CEP126: variants seen among roughly 807,000 people sequenced by gnomAD.
CEP126 encodes centrosomal protein 126.
In CEP126, 74 loss-of-function variants were observed where a neutral mutation model predicts 107.8. That is an observed-to-expected ratio of 0.69 (90% CI 0.57 to 0.83). The LOEUF (loss-of-function observed/expected upper bound fraction) is 0.83, where lower values mean the gene tolerates loss of function less well. Among genes scored for constraint, CEP126 ranks in the 40% least tolerant of loss-of-function variants. CEP126 has a pLI of 0.00. For synonymous variants in CEP126, 449 were observed against 446.0 expected (o/e 1.01, Z -0.08); for missense variants, 1,237 against 1,281.9 (o/e 0.96, Z 0.53).
rs774802593 is a variant in CEP126 at position 101,992,836 on chromosome 11, A to G, written c.3303A>G (p.Pro1101=). 2.1e-5 allele frequency: 32 copies of G among 1,532,394 alleles called. No individual in the cohort carries two copies. The highest frequency in any genetic ancestry group is 2.6e-5 in the Non-Finnish European group (30 of 1,144,264). 94.9% of individuals were successfully genotyped at this position (1,532,394 alleles called of 1,614,324 possible). A position where few individuals can be genotyped will look rare whatever the true frequency, so the allele number is the denominator to read the frequency against. The change falls in exon 10 of 11, where the codon CCA becomes CCG. Residue 1101 remains proline (P), a synonymous_variant. Coordinates refer to ENST00000263468, the MANE Select transcript of CEP126 (RefSeq NM_020802.4). ...PSIKNTLQII[P]LLEKREDRTS... is the part of the protein sequence containing the mutation. ...TCAAAAATACTTTACAAATAATACC[A>G]CTTCTGGTAAGTATTTGAAGAAGCT...
intron 2 of CEP126, among the ~76,000 whole-genome samples, chr11:101,942,323 A>G (rs1940676594): frequency 6.6e-6 from 1 of 152,020 alleles, no homozygotes; most frequent in South Asian, 2.1e-4. Flanking sequence ...TAAGAGTCCA[A>G]CTATATTGTT....
chr11:101,950,751 G>A (rs925763457), intron 4 of CEP126, among the ~76,000 whole-genome samples: 3 of 152,136 alleles, frequency 2.0e-5, no homozygotes, highest in Admixed American at 6.6e-5. Flanking sequence ...TCAGAGTGTC[G>A]GGACTACAGG....
In CEP126 at chr11:102,000,824, A is replaced by T. The variant is rs1941500105; in HGVS notation, c.*3181A>T. ...GGTCAGAAAAATTTAGACGGTCTTCATTTTAAAATTGGCATCAGGAAGGAT... is the reference window on the plus strand; with the variant it reads ...GGTCAGAAAAATTTAGACGGTCTTCTTTTTAAAATTGGCATCAGGAAGGAT... On this transcript the variant is annotated 3_prime_UTR_variant, in exon 11 of 11. Coordinates refer to ENST00000263468, the MANE Select transcript of CEP126 (RefSeq NM_020802.4). 2 of 152,348 alleles carry T rather than the reference A, an allele frequency of 1.3e-5. No individual in the cohort carries two copies. Among genetic ancestry groups the T allele is most frequent in the South Asian group, 4.1e-4 (2 of 4,824 alleles). The allele number at this position is 152,348 out of a possible 1,614,324, so 9.4% of individuals were successfully genotyped here.
intron 10 of CEP126, among the ~76,000 whole-genome samples, 148 bp from the exon 11 acceptor site, chr11:101,997,440 GTAAATAATCTA>G (rs1166907508): frequency 6.6e-6 from 1 of 152,186 alleles, no homozygotes; most frequent in African/African-American, 2.4e-5. Flanking sequence ...AAGGGTTGAG[GTAAATAATCTA>G]TAAAGTCCTC....
chr11:101,985,946 G>T (rs549736782), intron 8 of CEP126, among the ~76,000 whole-genome samples: 2 of 148,624 alleles, frequency 1.3e-5, no homozygotes, highest in South Asian at 4.3e-4. Context: ...AATTTCTTAC[G>T]AATTTGTTTA....
In CEP126 at chr11:102,000,557, T is replaced by C. The variant is rs1203620397; in HGVS notation, c.*2914T>C. ...AAGAAAAGAAAACAGCCAAGCTTGG[T>C]GGTATGTGCCTGTGGTCCCAGCTAC... On this transcript the variant is annotated 3_prime_UTR_variant, in exon 11 of 11. Coordinates refer to ENST00000263468, the MANE Select transcript of CEP126 (RefSeq NM_020802.4). 4 of 151,666 alleles carry C rather than the reference T, an allele frequency of 2.6e-5. No homozygotes were observed. The highest frequency in any genetic ancestry group is 5.9e-5 in the Non-Finnish European group (4 of 67,930). 9.4% of individuals were successfully genotyped at this position (151,666 alleles called of 1,614,324 possible). A position where few individuals can be genotyped will look rare whatever the true frequency, so the allele number is the denominator to read the frequency against.
intron 4 of CEP126, among the ~76,000 whole-genome samples, chr11:101,951,627 T>G (rs1372269929): frequency 6.6e-6 from 1 of 151,906 alleles, no homozygotes; most frequent in Non-Finnish European, 1.5e-5. Context: ...AAAGAAAAGA[T>G]ATTTTATTAA....
intron 2 of CEP126, among the ~76,000 whole-genome samples, chr11:101,929,529 T>C (rs1432293042): frequency 2.0e-5 from 3 of 152,066 alleles, no homozygotes; most frequent in Non-Finnish European, 4.4e-5. Context: ...TGGTCTCCAT[T>C]GATACCACAG....
chr11:101,988,782 A>G (rs911902448), intron 9 of CEP126, among the ~76,000 whole-genome samples: 36 of 151,758 alleles, frequency 2.4e-4, no homozygotes, highest in African/African-American at 8.7e-4. Flanking sequence ...GTATATGTAT[A>G]TATATATATA....
At chr11:101,974,022 A>G (rs569523238) in intron 6 of CEP126, among the ~76,000 whole-genome samples, 1 of 152,180 alleles carries the variant, frequency 6.6e-6, no homozygotes, top group South Asian at 2.1e-4. Context: ...TAATGACTAA[A>G]AGTTTTTCTC....
intron 9 of CEP126, among the ~76,000 whole-genome samples, chr11:101,987,413 A>G (rs1408887219): frequency 6.6e-6 from 1 of 152,182 alleles, no homozygotes; most frequent in African/African-American, 2.4e-5. Flanking sequence ...TCTTAAGACC[A>G]ATAACTAAAT....
At chr11:101,941,197 A>G (rs968375488) in intron 2 of CEP126, among the ~76,000 whole-genome samples, 1 of 152,172 alleles carries the variant, frequency 6.6e-6, no homozygotes, top group Non-Finnish European at 1.5e-5. Context: ...CAAAGACTAC[A>G]TTAAGTACAT....
At chr11:101,950,023 C>G (rs1940789098) in intron 4 of CEP126, among the ~76,000 whole-genome samples, 1 of 152,120 alleles carries the variant, frequency 6.6e-6, no homozygotes, top group African/African-American at 2.4e-5. Flanking sequence ...CCAAACTCAG[C>G]CATAAATCAA....
chr11:101,922,268 G>T (rs555548156), intron 1 of CEP126, among the ~76,000 whole-genome samples: 1 of 151,250 alleles, frequency 6.6e-6, no homozygotes, highest in Admixed American at 6.6e-5. Flanking sequence ...GGGTTCAAGC[G>T]ATTCTCCTGC....
At chr11:101,967,850 C>A (rs779120094) in intron 6 of CEP126, among the ~76,000 whole-genome samples, 7 of 152,066 alleles carry the variant, frequency 4.6e-5, no homozygotes, top group Non-Finnish European at 1.0e-4. Flanking sequence ...ATAGTGACTA[C>A]CTCTGGGGAG....
At chr11:101,918,621 T>C (rs1374012561) in intron 1 of CEP126, among the ~76,000 whole-genome samples, 4 of 152,216 alleles carry the variant, frequency 2.6e-5, no homozygotes, top group Non-Finnish European at 5.9e-5. Context: ...AAGTTTTCTA[T>C]AATGCACTAA....
chr11:101,944,497 G>T, intron 3 of CEP126, 87 bp downstream of exon 3: 1 of 1,297,114 alleles, frequency 7.7e-7, no homozygotes. Flanking sequence ...ATGAAGAAAT[G>T]AAGTGGAAAC....
At chr11:101,935,151 T>A (rs115142801) in intron 2 of CEP126, among the ~76,000 whole-genome samples, 274 of 152,150 alleles carry the variant, frequency 1.8e-3, no homozygotes, top group African/African-American at 6.1e-3. Flanking sequence ...TAATGAAATA[T>A]CTATTCAAAT....
chr11:101,928,562 A>G (rs1468989580), intron 2 of CEP126, among the ~76,000 whole-genome samples: 1 of 152,098 alleles, frequency 6.6e-6, no homozygotes, highest in Non-Finnish European at 1.5e-5. Context: ...ATGTGTACCA[A>G]AGTTTGGAGG....
Sources: allele counts gnomAD v4.1 joint callset (sites outside exome capture counted in the v4.1 genomes callset), GRCh38; gene constraint gnomAD v4.1.1; transcripts MANE v1.5; gene names NCBI Gene and HGNC (gene_info 2026-07-23, HGNC 2026-07-21).